The following FILIP1 variants were observed in gnomAD, a reference collection of about 807,000 sequenced individuals.
The protein encoded by FILIP1 is filamin A interacting protein 1, also known as filamin-A-interacting protein 1.
In FILIP1, 61 loss-of-function variants were observed where a neutral mutation model predicts 102.1. That is an observed-to-expected ratio of 0.60 (90% CI 0.49 to 0.74). The LOEUF (loss-of-function observed/expected upper bound fraction) is 0.74. FILIP1 is among the 30% of genes least tolerant of loss of function. The pLI is 0.00. For synonymous variants in FILIP1, 491 were observed against 526.9 expected (o/e 0.93, Z 0.93); for missense variants, 1,314 against 1,441.2 (o/e 0.91, Z 1.43).
rs1455585707 is a variant in FILIP1 at position 75,314,709 on chromosome 6, T to C, written c.1123A>G (p.Ser375Gly). The change falls in exon 5 of 6, where the codon AGC becomes GGC. Residue 375 changes from serine to glycine, a missense_variant. By Grantham distance (56) the Ser-to-Gly change is moderately conservative (BLOSUM62 0). Transcript: ENST00000237172. ...AGATTTTCCACTTCTGCCATGAGGC[T>C]AGAGTTTCCACATTCTCCTTTGGCA... ...KIAKGECGNS[S>G]LMAEVENLRK... 1 of 1,614,088 alleles carries C rather than the reference T, an allele frequency of 6.2e-7. No homozygotes were observed. The highest frequency in any genetic ancestry group is 2.2e-5 in the East Asian group (1 of 44,902).
chr6:75,421,709 T>C (rs1401483267), intron 1 of FILIP1, among the ~76,000 whole-genome samples: 2 of 152,166 alleles, frequency 1.3e-5, no homozygotes, highest in Admixed American at 6.6e-5. Flanking sequence ...TCTAGCGTGG[T>C]TCTTGAATGG....
At chr6:75,338,740 C>T (rs1774324630) in intron 4 of FILIP1, among the ~76,000 whole-genome samples, 1 of 152,080 alleles carries the variant, frequency 6.6e-6, no homozygotes, top group Non-Finnish European at 1.5e-5. Flanking sequence ...GTTTTTTATT[C>T]CAGAAGAATA....
At chr6:75,419,107 A>G (rs1383251912) in intron 1 of FILIP1, among the ~76,000 whole-genome samples, 3 of 152,210 alleles carry the variant, frequency 2.0e-5, no homozygotes, top group Non-Finnish European at 2.9e-5. Context: ...TGAATTAACA[A>G]GTATTTCTAG....
chr6:75,433,771 T>C (rs945625827), intron 1 of FILIP1, among the ~76,000 whole-genome samples: 1 of 152,256 alleles, frequency 6.6e-6, no homozygotes, highest in Non-Finnish European at 1.5e-5. Flanking sequence ...TCCATGCCTA[T>C]GTCCTGAATG....
chr6:75,458,822 A>AGCCTAACTCCTTATT (rs1778927247), intron 1 of FILIP1: 2 of 152,206 alleles, frequency 1.3e-5, no homozygotes, highest in Admixed American at 6.6e-5. Flanking sequence ...AGTCTTTAGG[A>AGCCTAACTCCTTATT]GAGCCTAACT....
chr6:75,314,208 C>A lies in FILIP1; in HGVS notation c.1624G>T (p.Asp542Tyr). The change falls in exon 5 of 6, where the codon GAT becomes TAT. Residue 542 changes from aspartate to tyrosine, a missense_variant. Physicochemically the swap from Asp to Tyr is radical, Grantham distance 160 (BLOSUM62 -3). Transcript: ENST00000237172. ...NFKVEQGKVM[D>Y]VTEKLIEESK... Reference sequence around the variant, plus strand: ...TCTTCAATTAGTTTTTCAGTTACATCCATAACTTTTCCTTGTTCCACCTTA... The same window carrying A: ...TCTTCAATTAGTTTTTCAGTTACATACATAACTTTTCCTTGTTCCACCTTA... 1 of 1,561,358 alleles carries A rather than the reference C, an allele frequency of 6.4e-7. No homozygotes were observed. Among genetic ancestry groups the A allele is most frequent in the Non-Finnish European group, 8.6e-7 (1 of 1,164,510 alleles).
At chr6:75,390,392 A>C (rs1159929714) in intron 2 of FILIP1, among the ~76,000 whole-genome samples, 1 of 152,162 alleles carries the variant, frequency 6.6e-6, no homozygotes, top group Non-Finnish European at 1.5e-5. Flanking sequence ...GAAATATCTG[A>C]GACTGGGTAA....
Position 75,453,899 on chromosome 6 carries a change from AACAATGATGGTGCC to A in FILIP1, c.-6-38935_-6-38922del, listed in dbSNP as rs1422322640. On this transcript the variant is annotated intron_variant, in intron 1 of 5. Transcript: ENST00000237172. Reference sequence around the variant, plus strand: ...GTGATGCAAATACACAATAAGTCATAACAATGATGGTGCCACTAATGAAGACAGAAACAATGACA... The same window carrying A: ...GTGATGCAAATACACAATAAGTCATAACTAATGAAGACAGAAACAATGACA... 1.3e-5 allele frequency: 6 copies of A among 454,602 alleles called. No individual in the cohort carries two copies. The Admixed American group carries it at 1.4e-4, about 11-fold the overall frequency. 28.2% of individuals were successfully genotyped at this position (454,602 alleles called of 1,614,324 possible). A position where few individuals can be genotyped will look rare whatever the true frequency, so the allele number is the denominator to read the frequency against.
downstream of FILIP1, among the ~76,000 whole-genome samples, chr6:75,307,301 T>A (rs1773016987): frequency 6.6e-6 from 1 of 152,204 alleles, no homozygotes; most frequent in East Asian, 1.9e-4. Flanking sequence ...ACATGTTGAA[T>A]CATGAGATAA....
intron 1 of FILIP1, among the ~76,000 whole-genome samples, chr6:75,440,945 C>CAA (rs200327100): frequency 1.2e-4 from 7 of 60,692 alleles, no homozygotes; most frequent in Admixed American, 1.7e-4. Flanking sequence ...AGCGACGTCT[C>CAA]AAAAAAAAAA....
intron 2 of FILIP1, among the ~76,000 whole-genome samples, chr6:75,379,632 C>T (rs1775844027): frequency 6.6e-6 from 1 of 152,174 alleles, no homozygotes; most frequent in African/African-American, 2.4e-5. Context: ...ATTGCTCCTT[C>T]TCATAACCAC....
At chr6:75,307,829 T>A (rs1393801854), downstream of FILIP1, among the ~76,000 whole-genome samples, 3 of 152,216 alleles carry the variant, frequency 2.0e-5, no homozygotes, top group South Asian at 2.1e-4. Flanking sequence ...ATGTCATTTT[T>A]TCCCTTGGCA....
intron 4 of FILIP1, among the ~76,000 whole-genome samples, chr6:75,334,374 G>A (rs1449842631): frequency 6.6e-6 from 1 of 152,092 alleles, no homozygotes; most frequent in Non-Finnish European, 1.5e-5. Flanking sequence ...AGGCATCAAG[G>A]AAAGTCACAA....
chr6:75,353,736 G>A lies in FILIP1; in HGVS notation c.451-19C>T. The stretch of plus-strand genomic sequence containing the variant: ...TGTCCAGCTGAATAAGCAAACATGG[G>A]AAAGGGCTTAATATTTTATTGCATT... On this transcript the variant is annotated intron_variant, in intron 3 of 5. Transcript: ENST00000237172. 6.2e-7 allele frequency: 1 copy of A among 1,609,678 alleles called. No individual in the cohort carries two copies. The highest frequency in any genetic ancestry group is 1.1e-5 in the South Asian group (1 of 90,882).
At chr6:75,337,115 A>G (rs535952662) in intron 4 of FILIP1, among the ~76,000 whole-genome samples, 2 of 152,236 alleles carry the variant, frequency 1.3e-5, no homozygotes, top group African/African-American at 2.4e-5. Context: ...TGAATCATAT[A>G]CAACCTTTCT....
At chr6:75,480,676 A>G (rs1779626466) in intron 1 of FILIP1, among the ~76,000 whole-genome samples, 1 of 152,236 alleles carries the variant, frequency 6.6e-6, no homozygotes, top group East Asian at 1.9e-4. Context: ...TAAAAGTCCT[A>G]CAGCAAATAC....
intron 1 of FILIP1, among the ~76,000 whole-genome samples, chr6:75,433,425 C>A (rs1777895742): frequency 1.3e-5 from 2 of 152,142 alleles, no homozygotes. Flanking sequence ...CTCTGATGAC[C>A]AGTCATGATG....
chr6:75,446,068 G>T (rs182384433), intron 1 of FILIP1, among the ~76,000 whole-genome samples: 1 of 152,186 alleles, frequency 6.6e-6, no homozygotes, highest in Non-Finnish European at 1.5e-5. Flanking sequence ...AAACTTAAGA[G>T]ATCTTGACTT....
chr6:75,470,460 T>C (rs78094134), intron 1 of FILIP1, among the ~76,000 whole-genome samples: 16 of 152,306 alleles, frequency 1.1e-4, no homozygotes, highest in African/African-American at 3.8e-4. Flanking sequence ...TTCTTGACTA[T>C]GTGTGGCTGG....
Sources: allele counts gnomAD v4.1 joint callset (sites outside exome capture counted in the v4.1 genomes callset), GRCh38; gene constraint gnomAD v4.1.1; transcripts MANE v1.5; gene names NCBI Gene and HGNC (gene_info 2026-07-23, HGNC 2026-07-21).